Variants in EPHB2 observed in about 807,000 individuals in gnomAD.
EPHB2 encodes ephrin type-B receptor 2.
EPHB2 carries 18 observed loss-of-function variants against 96.4 expected under a neutral mutation model. The ratio of observed to expected loss-of-function variants is 0.19; its 90% CI spans 0.13 to 0.28. The LOEUF (loss-of-function observed/expected upper bound fraction) is 0.28. Among genes scored for constraint, EPHB2 ranks in the 10% least tolerant of loss-of-function variants. The probability of loss-of-function intolerance (pLI) is 1.00; values close to 1 mark genes in which losing one functional copy is unlikely to be tolerated. For synonymous variants in EPHB2, 506 were observed against 534.1 expected, an observed-to-expected ratio of 0.95 and a Z score of 0.72; for missense variants, 989 against 1,355.4, an observed-to-expected ratio of 0.73 and a Z score of 4.25.
chr1:22,890,988 A>G, intron 6 of EPHB2: 1 of 433,980 alleles, frequency 2.3e-6, no homozygotes. Flanking sequence ...AGAAGGGACT[A>G]ATGCAGCCCC....
intron 1 of EPHB2, among the ~76,000 whole-genome samples, chr1:22,725,525 T>A (rs1477042883): frequency 6.6e-6 from 1 of 151,574 alleles, no homozygotes; most frequent in Admixed American, 6.6e-5. Flanking sequence ...CTTTTGTATC[T>A]GGACTGTGAC....
intron 3 of EPHB2, among the ~76,000 whole-genome samples, chr1:22,814,064 C>G (rs1341852875): frequency 6.6e-6 from 1 of 152,036 alleles, no homozygotes; most frequent in Non-Finnish European, 1.5e-5. Flanking sequence ...CCCAGCTACT[C>G]AGGAGGCTGA....
At chr1:22,862,255 A>C (rs906722660) in intron 3 of EPHB2, among the ~76,000 whole-genome samples, 1 of 152,254 alleles carries the variant, frequency 6.6e-6, no homozygotes, top group African/African-American at 2.4e-5. Flanking sequence ...GAGAAGCCAA[A>C]TGAGGGCCGA....
intron 6 of EPHB2, among the ~76,000 whole-genome samples, chr1:22,889,144 C>A (rs1639315536): frequency 1.3e-5 from 2 of 152,076 alleles, no homozygotes. Flanking sequence ...CACAGAGCAA[C>A]ACCCTGTCTC....
chr1:22,911,871 C>A (rs1412781786), intron 14 of EPHB2, among the ~76,000 whole-genome samples: 1 of 152,164 alleles, frequency 6.6e-6, no homozygotes, highest in East Asian at 1.9e-4. Context: ...CTCTCCAGAT[C>A]AAATCCCTCT....
intron 1 of EPHB2, among the ~76,000 whole-genome samples, chr1:22,780,719 C>G (rs921417123): frequency 6.6e-6 from 1 of 152,154 alleles, no homozygotes; most frequent in Admixed American, 6.5e-5. Context: ...GGAAACCCAT[C>G]CAGTAGACTC....
At chr1:22,821,294 T>C (rs1299370779) in intron 3 of EPHB2, among the ~76,000 whole-genome samples, 2 of 152,208 alleles carry the variant, frequency 1.3e-5, no homozygotes. Flanking sequence ...AAGCATAAGC[T>C]TGATTCTGGA....
rs1645743159 is a variant in EPHB2 at position 22,858,684 on chromosome 1, C to T, written c.812-4353C>T. ...GGTGTGGCCCCCCGGGCACTGTGGG[C>T]AGTGGCCACCCAGACCTCTCAGAGG... On this transcript the variant is annotated intron_variant, in intron 3 of 15. Coordinates refer to ENST00000374630, the MANE Select transcript of EPHB2 (RefSeq NM_017449.5). The surrounding 1 kb of genome is among the most constrained non-coding windows in gnomAD (Gnocchi z 7.7). Among the ~76,000 whole-genome samples, 1 of 152,124 alleles carries T rather than the reference C, an allele frequency of 6.6e-6. No homozygotes were observed. Among genetic ancestry groups the T allele is most frequent in the South Asian group, 2.1e-4 (1 of 4,814 alleles).
intron 3 of EPHB2, among the ~76,000 whole-genome samples, chr1:22,845,084 C>G (rs1435480897): frequency 1.3e-5 from 2 of 152,212 alleles, no homozygotes; most frequent in Non-Finnish European, 2.9e-5. Context: ...TAGGCTCCAT[C>G]CAGCGTGGAG....
At chr1:22,820,403 G>A (rs1645136595) in intron 3 of EPHB2, among the ~76,000 whole-genome samples, 1 of 152,136 alleles carries the variant, frequency 6.6e-6, no homozygotes, top group African/African-American at 2.4e-5. Context: ...GCTCACGCCT[G>A]TAATCCCAGC....
At chr1:22,887,929 A>T (rs1390671806) in intron 6 of EPHB2, among the ~76,000 whole-genome samples, 1 of 152,206 alleles carries the variant, frequency 6.6e-6, no homozygotes, top group Non-Finnish European at 1.5e-5. Context: ...CTGGAGTAGG[A>T]TCTACCTGGA....
chr1:22,865,734 C>T (rs992162809), intron 5 of EPHB2, among the ~76,000 whole-genome samples: 5 of 152,190 alleles, frequency 3.3e-5, no homozygotes, highest in African/African-American at 7.2e-5. Flanking sequence ...ATGCATTCCA[C>T]GGGCAGGGCC....
At chr1:22,786,829 A>G (rs941568071) in intron 3 of EPHB2, among the ~76,000 whole-genome samples, 2 of 152,222 alleles carry the variant, frequency 1.3e-5, no homozygotes, top group African/African-American at 4.8e-5. Context: ...CAGCTTGCAG[A>G]AAGGTGATGG....
At chr1:22,754,922 A>G (rs1644123934) in intron 1 of EPHB2, among the ~76,000 whole-genome samples, 1 of 149,696 alleles carries the variant, frequency 6.7e-6, no homozygotes, top group African/African-American at 2.5e-5. Context: ...GGGGCAGGGG[A>G]GGTGAGGTGA....
intron 1 of EPHB2, among the ~76,000 whole-genome samples, chr1:22,719,277 T>C (rs2148335684): frequency 6.6e-6 from 1 of 152,268 alleles, no homozygotes; most frequent in East Asian, 1.9e-4. Flanking sequence ...AACTGAGGTC[T>C]GGGAGATAAT....
intron 7 of EPHB2, among the ~76,000 whole-genome samples, chr1:22,894,131 C>G (rs1639476642): frequency 1.3e-5 from 2 of 152,270 alleles, no homozygotes; most frequent in Non-Finnish European, 2.9e-5. Flanking sequence ...AAGCCTTTTT[C>G]CATGTTGGGT....
chr1:22,858,741 C>T lies in EPHB2; in HGVS notation c.812-4296C>T, dbSNP rs543286674. On this transcript the variant is annotated intron_variant, in intron 3 of 15. Transcript: ENST00000374630. The surrounding 1 kb of genome is among the most constrained non-coding windows in gnomAD (Gnocchi z 7.7). ...ATGGGAGCTGAGGCCCCAGTGCACC[C>T]CACAGTCACACAGTAGACTTGGGAT... 9.2e-5 allele frequency among the ~76,000 whole-genome samples: 14 copies of T among 152,232 alleles called. No individual in the cohort carries two copies. The East Asian group carries it at 2.7e-3, about 29-fold the overall frequency.
At chr1:22,901,820 A>AGTGTGTGTGTGTGTGTGTGTGTGTGTGT (rs57503593) in intron 9 of EPHB2, among the ~76,000 whole-genome samples, 1 of 148,458 alleles carries the variant, frequency 6.7e-6, no homozygotes, top group African/African-American at 2.5e-5. Flanking sequence ...TGTGTGTGTG[A>AGTGTGTGTGTGTGTGTGTGTGTGTGTGT]GTGTGTGTGT....
At chr1:22,716,297 T>G (rs567507888) in intron 1 of EPHB2, among the ~76,000 whole-genome samples, 3 of 152,000 alleles carry the variant, frequency 2.0e-5, no homozygotes, top group African/African-American at 7.2e-5. Flanking sequence ...AGGCCCTACT[T>G]CCTCAAGGCT....
Sources: allele counts gnomAD v4.1 joint callset (sites outside exome capture counted in the v4.1 genomes callset), GRCh38; gene constraint gnomAD v4.1.1; non-coding constraint Gnocchi (gnomAD v3.1); transcripts MANE v1.5; gene names NCBI Gene and HGNC (gene_info 2026-07-23, HGNC 2026-07-21).